ALKBH4: variants seen among roughly 807,000 people sequenced by gnomAD.
ALKBH4 encodes alpha-ketoglutarate-dependent dioxygenase alkB homolog 4.
Under a neutral mutation model 12.1 loss-of-function variants are expected in ALKBH4, and 8 were observed. The observed-to-expected ratio is 0.66, with a 90% CI of 0.39 to 1.19. The LOEUF is 1.19. Among genes scored for constraint, ALKBH4 ranks in the 50% most tolerant of loss-of-function variants. The pLI, the probability that ALKBH4 is intolerant of heterozygous loss-of-function variation, is 0.01. For missense variants in ALKBH4, 403 were observed against 430.4 expected, an observed-to-expected ratio of 0.94 and a Z score of 0.56; for synonymous variants, 195 against 191.6, an observed-to-expected ratio of 1.02 and a Z score of -0.15.
In ALKBH4 at chr7:102,457,432, G is replaced by C; in HGVS notation, c.871C>G (p.Leu291Val). Residue 291 changes from leucine to valine, a missense_variant, in exon 3 of 3, where the codon CTG becomes GTG. Transcript: ENST00000292566. This position sits in a 1 kb window ranked among gnomAD's most constrained non-coding sequence, Gnocchi z 5.9. ...GRQQELGQEL[L>V]RIALSFQGRP... ...CCCTGGAAGGAGAGGGCGATCCGCAGCAGTTCCTGGCCCAGCTCTTGCTGC... is the reference window on the plus strand; with the variant it reads ...CCCTGGAAGGAGAGGGCGATCCGCACCAGTTCCTGGCCCAGCTCTTGCTGC... 6.2e-7 allele frequency: 1 copy of C among 1,613,316 alleles called. No homozygotes were observed. The highest frequency in any genetic ancestry group is 8.5e-7 in the Non-Finnish European group (1 of 1,179,844).
At position 102,457,563 on chromosome 7, in the gene ALKBH4, G is replaced by GC. The variant is rs1563647545; in HGVS notation, c.739dup (p.Ala247GlyfsTer30). On this transcript the variant is annotated frameshift_variant, in exon 3 of 3. Transcript: ENST00000292566. LOFTEE classifies it high-confidence loss of function. The surrounding 1 kb of genome is among the most constrained non-coding windows in gnomAD (Gnocchi z 5.9). ...GGCATGCTTCCACTGGTGCCGTGCCGCCCCGGTGAGGACCAGCAGGGAGCG... is the reference window on the plus strand; with the variant it reads ...GGCATGCTTCCACTGGTGCCGTGCCGCCCCCGGTGAGGACCAGCAGGGAGCG... 1 of 1,609,732 alleles carries GC rather than the reference G, an allele frequency of 6.2e-7. No individual in the cohort carries two copies. Among genetic ancestry groups the GC allele is most frequent in the East Asian group, 2.2e-5 (1 of 44,858 alleles).
At chr7:102,459,531 G>T in intron 2 of ALKBH4, 73 bp downstream of exon 2, 1 of 1,509,396 alleles carries the variant, frequency 6.6e-7, no homozygotes. Flanking sequence ...TGCAAGGAGG[G>T]GGATGGCCCC....
rs1797675222 is a variant in ALKBH4, at chr7:102,457,288, A to C, written c.*106T>G. On this transcript the variant is annotated 3_prime_UTR_variant, in exon 3 of 3. Coordinates refer to ENST00000292566, the MANE Select transcript of ALKBH4 (RefSeq NM_017621.4). The surrounding 1 kb of genome is among the most constrained non-coding windows in gnomAD (Gnocchi z 5.9). Reference sequence around the variant, plus strand: ...CAGGGCTCACACTGCTCACAGCATCAGGGGTCAGCCATCTTCTCTTGAAAC... The same window carrying C: ...CAGGGCTCACACTGCTCACAGCATCCGGGGTCAGCCATCTTCTCTTGAAAC... 1 of 1,295,510 alleles carries C rather than the reference A, an allele frequency of 7.7e-7. No individual in the cohort carries two copies. Among genetic ancestry groups the C allele is most frequent in the African/African-American group, 1.5e-5 (1 of 68,290 alleles). The allele number at this position is 1,295,510 out of a possible 1,614,324, so 80.3% of individuals were successfully genotyped here. A position where few individuals can be genotyped will look rare whatever the true frequency, so the allele number is the denominator to read the frequency against.
chr7:102,459,432 C>T (rs1009729073), intron 2 of ALKBH4, 172 bp downstream of exon 2: 14 of 724,244 alleles, frequency 1.9e-5, no homozygotes, highest in Non-Finnish European at 2.2e-5. Context: ...GCCCATCGGA[C>T]ACACGTCCTG....
chr7:102,460,088 A>C (rs1373533846), intron 1 of ALKBH4, among the ~76,000 whole-genome samples: 1 of 151,314 alleles, frequency 6.6e-6, no homozygotes, highest in East Asian at 1.9e-4. Flanking sequence ...CAGAAGGCAG[A>C]GGTTGCAGTG....
chr7:102,456,576 TG>T lies in ALKBH4; in HGVS notation c.*817del, dbSNP rs1797654231. On this transcript the variant is annotated 3_prime_UTR_variant, in exon 3 of 3. Transcript: ENST00000292566. ...TTTTTCCTACTTGTTAACAGCGTTA[TG>T]GGGCTGGAAGGAGGCTCTCAGATTT... The T allele has an allele frequency of 1.3e-5, 2 of 152,172 alleles. No homozygotes were observed. Among genetic ancestry groups the T allele is most frequent in the African/African-American group, 4.8e-5 (2 of 41,438 alleles). The allele number at this position is 152,172 out of a possible 1,614,324, so 9.4% of individuals were successfully genotyped here. A position where few individuals can be genotyped will look rare whatever the true frequency, so the allele number is the denominator to read the frequency against.
intron 1 of ALKBH4, among the ~76,000 whole-genome samples, chr7:102,464,260 C>G (rs985057712): frequency 2.0e-5 from 3 of 152,188 alleles, no homozygotes; most frequent in Non-Finnish European, 4.4e-5. Flanking sequence ...GTGGCTCGAT[C>G]ATAGCTCACT....
chr7:102,464,054 C>G (rs1275469902), intron 1 of ALKBH4, among the ~76,000 whole-genome samples: 2 of 151,940 alleles, frequency 1.3e-5, no homozygotes, highest in Non-Finnish European at 2.9e-5. Flanking sequence ...CCCCCACAAC[C>G]TCTCCAGCCT....
intron 2 of ALKBH4, among the ~76,000 whole-genome samples, chr7:102,458,746 A>AC (rs574963729): frequency 5.3e-5 from 8 of 151,782 alleles, no homozygotes; most frequent in Admixed American, 1.3e-4. Flanking sequence ...CAAAAAAAAA[A>AC]AAAAAACCTG....
At chr7:102,459,876 A>T in intron 1 of ALKBH4, 75 bp from the exon 2 acceptor site, 2 of 1,399,866 alleles carry the variant, frequency 1.4e-6, no homozygotes, top group Non-Finnish European at 1.9e-6. Context: ...AAAACAGGCC[A>T]GGTGCGGTGG....
At position 102,456,839 on chromosome 7, in the gene ALKBH4, T is replaced by G. The variant is rs1043445513; in HGVS notation, c.*555A>C. 4 of 152,208 alleles carry G rather than the reference T, an allele frequency of 2.6e-5. No homozygotes were observed. The highest frequency in any genetic ancestry group is 9.7e-5 in the African/African-American group (4 of 41,430). The allele number at this position is 152,208 out of a possible 1,614,324, so 9.4% of individuals were successfully genotyped here. A position where few individuals can be genotyped will look rare whatever the true frequency, so the allele number is the denominator to read the frequency against. On this transcript the variant is annotated 3_prime_UTR_variant, in exon 3 of 3. Transcript: ENST00000292566. ...AATCATTTAAAATGTTCCCATTTTT[T>G]TTTTTTTTCAAAACAGTCTTGCTCT...
chr7:102,459,159 A>C (rs1266685865), intron 2 of ALKBH4, among the ~76,000 whole-genome samples: 2 of 151,726 alleles, frequency 1.3e-5, no homozygotes, highest in East Asian at 1.9e-4. Context: ...AAAAAAAAAA[A>C]AAAAAACCTA....
intron 1 of ALKBH4, among the ~76,000 whole-genome samples, chr7:102,460,807 G>C (rs979825064): frequency 1.3e-5 from 2 of 152,156 alleles, no homozygotes; most frequent in Non-Finnish European, 2.9e-5. Context: ...ACCAGCGTGA[G>C]GGTCACCTAG....
Position 102,464,822 on chromosome 7 carries a change from G to T in ALKBH4, c.15C>A (p.Ala5=), listed in dbSNP as rs749580622. 9 of 1,527,966 alleles carry T rather than the reference G, an allele frequency of 5.9e-6. No homozygotes were observed. Among genetic ancestry groups the T allele is most frequent in the Middle Eastern group, 1.7e-4 (1 of 5,870 alleles). 94.7% of individuals were successfully genotyped at this position (1,527,966 alleles called of 1,614,324 possible). MAAA[A]AETPEVLREC... is the part of the protein sequence containing the mutation. ...CCCGAAGGACTTCGGGGGTCTCGGC[G>T]GCAGCCGCCGCCATCGCGCCGTCCG... is the stretch of plus-strand genomic sequence containing the variant. Residue 5 remains alanine (A), a synonymous_variant, in exon 1 of 3, where the codon GCC becomes GCA. Coordinates refer to ENST00000292566, the MANE Select transcript of ALKBH4 (RefSeq NM_017621.4).
Position 102,457,847 on chromosome 7 carries a change from C to A in ALKBH4, c.456G>T (p.Glu152Asp). Residue 152 changes from glutamate to aspartate, a missense_variant, in exon 3 of 3, where the codon GAG becomes GAT. By Grantham distance (45) the Glu-to-Asp change is conservative. Transcript: ENST00000292566. This position sits in a 1 kb window ranked among gnomAD's most constrained non-coding sequence, Gnocchi z 5.9. The part of the protein sequence containing the change: ...YPGLEGFRPV[E>D]QCNLDYCPER... ...CGGGGCAGTAGTCCAGGTTGCACTGCTCGACGGGCCGGAAGCCCTCCAGCC... is the reference window on the plus strand; with the variant it reads ...CGGGGCAGTAGTCCAGGTTGCACTGATCGACGGGCCGGAAGCCCTCCAGCC... 6.2e-7 allele frequency: 1 copy of A among 1,611,542 alleles called. No homozygotes were observed. Among genetic ancestry groups the A allele is most frequent in the Non-Finnish European group, 8.5e-7 (1 of 1,179,958 alleles).
intron 1 of ALKBH4, among the ~76,000 whole-genome samples, chr7:102,460,815 TAGG>T (rs1797778045): frequency 6.6e-6 from 1 of 152,086 alleles, no homozygotes. Flanking sequence ...GAGGGTCACC[TAGG>T]AGGGCAGCCA....
chr7:102,457,400 G>C lies in ALKBH4; in HGVS notation c.903C>G (p.Pro301=). The change falls in exon 3 of 3, where the codon CCC becomes CCG. Residue 301 remains proline, a synonymous_variant. Transcript: ENST00000292566. This position sits in a 1 kb window ranked among gnomAD's most constrained non-coding sequence, Gnocchi z 5.9. ...LRIALSFQGR[P]V Reference sequence around the variant, plus strand: ...CTGGAGCCAAGGAGGCGGTTCACACGGGTCTTCCCTGGAAGGAGAGGGCGA... The same window carrying C: ...CTGGAGCCAAGGAGGCGGTTCACACCGGTCTTCCCTGGAAGGAGAGGGCGA... 2 of 1,607,022 alleles carry C rather than the reference G, an allele frequency of 1.2e-6. No homozygotes were observed. The highest frequency in any genetic ancestry group is 1.7e-6 in the Non-Finnish European group (2 of 1,174,802).
intron 1 of ALKBH4, among the ~76,000 whole-genome samples, chr7:102,460,255 G>T (rs576403982): frequency 9.9e-5 from 15 of 151,386 alleles, no homozygotes; most frequent in Non-Finnish European, 2.1e-4. Flanking sequence ...AGCCCAGGAG[G>T]TTGAGGCTAC....
chr7:102,463,356 G>A (rs1797846885), intron 1 of ALKBH4, among the ~76,000 whole-genome samples: 1 of 118,570 alleles, frequency 8.4e-6, no homozygotes, highest in South Asian at 3.0e-4. Context: ...TTGAGAAGGA[G>A]TCTTGCTCTG....
Sources: gnomAD v4.1 joint callset for allele counts (sites outside exome capture counted in the v4.1 genomes callset) on GRCh38, gnomAD v4.1.1 for gene constraint, Gnocchi (gnomAD v3.1) non-coding constraint, MANE v1.5 for transcripts, NCBI Gene and HGNC (gene_info 2026-07-23, HGNC 2026-07-21) for gene names.